AKR1D1: variants seen among roughly 807,000 people sequenced by gnomAD.
AKR1D1 encodes the protein aldo-keto reductase family 1 member D1.
A neutral mutation model predicts 42.6 loss-of-function variants in AKR1D1; 32 were observed. That is an observed-to-expected ratio of 0.75 (90% CI 0.57 to 1.01). AKR1D1 has a LOEUF of 1.01. AKR1D1 is among the 50% of genes least tolerant of loss of function. AKR1D1 has a pLI of 0.00. For missense variants in AKR1D1, 364 were observed against 402.2 expected (o/e 0.91, Z 0.81); for synonymous variants, 123 against 135.5 (o/e 0.91, Z 0.64).
intron 7 of AKR1D1, among the ~76,000 whole-genome samples, chr7:138,110,930 G>A (rs1022035547): frequency 6.6e-6 from 1 of 152,122 alleles, no homozygotes; most frequent in African/African-American, 2.4e-5. Context: ...CTTTGAAGAT[G>A]TTATCTCTGG....
chr7:138,078,501 C>G (rs1169370806), intron 1 of AKR1D1, among the ~76,000 whole-genome samples: 3 of 152,202 alleles, frequency 2.0e-5, no homozygotes, highest in Non-Finnish European at 2.9e-5. Context: ...GAAAATTACT[C>G]TTGGAACAAT....
chr7:138,083,809 T>A (rs776103783), intron 1 of AKR1D1, among the ~76,000 whole-genome samples: 2 of 152,214 alleles, frequency 1.3e-5, no homozygotes, highest in Non-Finnish European at 2.9e-5. Context: ...ACAGTTCCAA[T>A]ATTAGGATCT....
intron 2 of AKR1D1, among the ~76,000 whole-genome samples, chr7:138,089,435 T>TAA (rs201870108): frequency 1.7e-4 from 23 of 132,138 alleles, no homozygotes; most frequent in Admixed American, 6.9e-4. Flanking sequence ...AAACGTAAAT[T>TAA]AAAAAAAAAA....
Position 138,117,463 on chromosome 7 carries a change from A to T in AKR1D1, c.*801A>T, listed in dbSNP as rs1251450948. 6.6e-6 allele frequency: 1 copy of T among 152,542 alleles called. No individual in the cohort carries two copies. The highest frequency in any genetic ancestry group is 3.2e-3 in the Middle Eastern group (1 of 316). 9.4% of individuals were successfully genotyped at this position (152,542 alleles called of 1,614,324 possible). A position where few individuals can be genotyped will look rare whatever the true frequency, so the allele number is the denominator to read the frequency against. On this transcript the variant is annotated 3_prime_UTR_variant, in exon 9 of 9. Coordinates refer to ENST00000242375, the MANE Select transcript of AKR1D1 (RefSeq NM_005989.4). The stretch of plus-strand genomic sequence containing the variant: ...TACAAATAAAACCCTGCCTTGTAAA[A>T]TAGTAAAAGAGAAGCCATATATTGG...
chr7:138,093,457 C>T (rs7787591), intron 3 of AKR1D1, among the ~76,000 whole-genome samples: 118,520 of 152,110 alleles, frequency 0.78, 46,659 homozygotes, highest in African/African-American at 0.89. Flanking sequence ...TTTTTAAACT[C>T]TTTTGTTAAA....
chr7:138,100,396 G>T (rs1794273518), intron 4 of AKR1D1, among the ~76,000 whole-genome samples: 1 of 151,944 alleles, frequency 6.6e-6, no homozygotes, highest in Non-Finnish European at 1.5e-5. Flanking sequence ...TTATACACAA[G>T]AAATCCATCT....
chr7:138,115,904 C>T (rs1049066459), intron 8 of AKR1D1, among the ~76,000 whole-genome samples: 2 of 152,136 alleles, frequency 1.3e-5, no homozygotes, highest in African/African-American at 2.4e-5. Context: ...ACTCTCAACA[C>T]GCAGGAGGTC....
chr7:138,105,396 G>A lies in AKR1D1; in HGVS notation c.546G>A (p.Lys182=). The A allele has an allele frequency of 1.2e-6, 2 of 1,614,064 alleles. No individual in the cohort carries two copies. The highest frequency in any genetic ancestry group is 2.2e-5 in the South Asian group (2 of 91,078). The stretch of plus-strand genomic sequence containing the variant: ...GGCAGCTGGAGCTCATCCTGAACAA[G>A]CCAGGACTCAAACACAAGCCAGTCA... ...NRRQLELILN[K]PGLKHKPVSN... is the part of the protein sequence containing the mutation. Residue 182 remains lysine, a synonymous_variant, in exon 5 of 9, where the codon AAG becomes AAA. Transcript: ENST00000242375.
At chr7:138,097,793 G>C in intron 3 of AKR1D1, 73 bp from the exon 4 acceptor site, 1 of 1,184,988 alleles carries the variant, frequency 8.4e-7, no homozygotes, top group Non-Finnish European at 1.2e-6. Flanking sequence ...AGACTGGGAA[G>C]TCTAAATTCT....
Position 138,100,727 on chromosome 7 carries a change from C to T in AKR1D1, c.456+2784C>T, listed in dbSNP as rs1266250329. The stretch of plus-strand genomic sequence containing the variant: ...TTTTTTTTTTTTTTTTTTTTTGAGG[C>T]GGAGTCTCGCTCTGCCGCCCAGGCT... On this transcript the variant is annotated intron_variant, in intron 4 of 8. Coordinates refer to ENST00000242375, the MANE Select transcript of AKR1D1 (RefSeq NM_005989.4). Among the ~76,000 whole-genome samples, 10 of 63,492 alleles carry T rather than the reference C, an allele frequency of 1.6e-4. No homozygotes were observed. In the East Asian group the frequency reaches 2.8e-3, roughly 18 times the overall value. 41.7% of individuals were successfully genotyped at this position (63,492 alleles called of 152,430 possible).
chr7:138,112,410 G>A (rs1330254382), intron 7 of AKR1D1, among the ~76,000 whole-genome samples: 2 of 151,950 alleles, frequency 1.3e-5, no homozygotes, highest in Admixed American at 1.3e-4. Context: ...AGTAAATCGT[G>A]TTCCATCTAC....
intron 4 of AKR1D1, among the ~76,000 whole-genome samples, chr7:138,099,179 A>G (rs911796424): frequency 6.6e-6 from 1 of 152,212 alleles, no homozygotes; most frequent in African/African-American, 2.4e-5. Context: ...GGCTCTGTCC[A>G]AAAGAACACG....
chr7:138,115,628 A>G (rs1453319918), intron 8 of AKR1D1, among the ~76,000 whole-genome samples: 1 of 152,240 alleles, frequency 6.6e-6, no homozygotes, highest in Non-Finnish European at 1.5e-5. Context: ...ATTAGGCCCC[A>G]TTAATCACAA....
chr7:138,116,720 G>T lies in AKR1D1; in HGVS notation c.*58G>T. Reference sequence around the variant, plus strand: ...CCACGAGTGCCAAGACGGTGCAATGGGTAGTCCCCTAGATGTGAAAATGAA... The same window carrying T: ...CCACGAGTGCCAAGACGGTGCAATGTGTAGTCCCCTAGATGTGAAAATGAA... On this transcript the variant is annotated 3_prime_UTR_variant, in exon 9 of 9. Transcript: ENST00000242375. The T allele has an allele frequency of 6.8e-7, 1 of 1,466,094 alleles. No individual in the cohort carries two copies. Among genetic ancestry groups the T allele is most frequent in the Non-Finnish European group, 9.6e-7 (1 of 1,045,810 alleles). 90.8% of individuals were successfully genotyped at this position (1,466,094 alleles called of 1,614,324 possible). A position where few individuals can be genotyped will look rare whatever the true frequency, so the allele number is the denominator to read the frequency against.
chr7:138,109,273 G>A (rs1043400581), intron 7 of AKR1D1, among the ~76,000 whole-genome samples: 3 of 152,130 alleles, frequency 2.0e-5, no homozygotes, highest in Admixed American at 6.5e-5. Flanking sequence ...TTATTGGCTT[G>A]CATAACTGGA....
intron 4 of AKR1D1, among the ~76,000 whole-genome samples, chr7:138,104,133 G>A (rs1174546552): frequency 6.6e-6 from 1 of 151,578 alleles, no homozygotes; most frequent in African/African-American, 2.4e-5. Flanking sequence ...GCAAGATACT[G>A]TTTCAAAAAA....
At chr7:138,112,476 A>C (rs1794554087) in intron 7 of AKR1D1, among the ~76,000 whole-genome samples, 2 of 152,228 alleles carry the variant, frequency 1.3e-5, no homozygotes, top group South Asian at 4.1e-4. Flanking sequence ...TGATAGAACT[A>C]TCACTGGGGT....
At chr7:138,095,595 G>A (rs543283411) in intron 3 of AKR1D1, among the ~76,000 whole-genome samples, 12 of 152,190 alleles carry the variant, frequency 7.9e-5, no homozygotes, top group African/African-American at 2.6e-4. Flanking sequence ...GCATGATCTC[G>A]GCTCACTGCA....
chr7:138,077,151 T>C (rs1424609681), intron 1 of AKR1D1, among the ~76,000 whole-genome samples: 1 of 152,194 alleles, frequency 6.6e-6, no homozygotes, highest in East Asian at 1.9e-4. Flanking sequence ...AAACAGTCTC[T>C]GAAAGCATAT....
Sources: allele counts gnomAD v4.1 joint callset (sites outside exome capture counted in the v4.1 genomes callset), GRCh38; gene constraint gnomAD v4.1.1; transcripts MANE v1.5; gene names NCBI Gene and HGNC (gene_info 2026-07-23, HGNC 2026-07-21).